COL27A1: variants seen among roughly 807,000 people sequenced by gnomAD.
The protein encoded by COL27A1 is collagen type XXVII alpha 1 chain.
Under a neutral mutation model 251.3 loss-of-function variants are expected in COL27A1, and 106 were observed. The ratio of observed to expected loss-of-function variants is 0.42; its 90% CI spans 0.36 to 0.50. COL27A1 has a LOEUF of 0.50. Among genes scored for constraint, COL27A1 ranks in the 20% least tolerant of loss-of-function variants. The pLI, the probability that COL27A1 is intolerant of heterozygous loss-of-function variation, is 0.00. For missense variants in COL27A1, 2,325 were observed against 2,522.8 expected (o/e 0.92, Z 1.68); for synonymous variants, 1,000 against 986.3 (o/e 1.01, Z -0.26).
chr9:114,297,954 A>G (rs781450909), intron 49 of COL27A1, among the ~76,000 whole-genome samples: 2 of 152,184 alleles, frequency 1.3e-5, no homozygotes, highest in Non-Finnish European at 2.9e-5. Context: ...TTAATAAGAC[A>G]TTTCCATTTA....
intron 14 of COL27A1, among the ~76,000 whole-genome samples, chr9:114,230,566 A>G (rs1296039939): frequency 6.6e-6 from 1 of 152,144 alleles, no homozygotes; most frequent in African/African-American, 2.4e-5. Context: ...AGGGTCCACC[A>G]TCAACCCTGG....
At position 114,248,817 on chromosome 9, in the gene COL27A1, A is replaced by G. The variant is rs949576073; in HGVS notation, c.2980-1798A>G. Among the ~76,000 whole-genome samples the G allele has an allele frequency of 4.6e-5, 7 of 152,198 alleles. No homozygotes were observed. In the East Asian group the frequency reaches 7.7e-4, roughly 17 times the overall value. ...AACATCTCATAAATTTAAAGTAGCT[A>G]TGAAATTTCTGTTTCTCTGGGCCAG... On this transcript the variant is annotated intron_variant, in intron 24 of 60. Transcript: ENST00000356083.
Position 114,205,086 on chromosome 9 carries a change from C to T in COL27A1, c.2125-16C>T, listed in dbSNP as rs780270057. ...GTGTCCTCCCTGCCTGATGCAGCTT[C>T]TTCCCCCTCCAACAGGGACACAAGG... On this transcript the variant is annotated splice_polypyrimidine_tract_variant and intron_variant, in intron 7 of 60. Coordinates refer to ENST00000356083, the MANE Select transcript of COL27A1 (RefSeq NM_032888.4). The T allele has an allele frequency of 1.9e-6, 3 of 1,613,400 alleles. No individual in the cohort carries two copies. Among genetic ancestry groups the T allele is most frequent in the African/African-American group, 2.7e-5 (2 of 74,946 alleles).
intron 1 of COL27A1, 150 bp downstream of exon 1, chr9:114,156,162 A>G (rs1286173176): frequency 8.3e-7 from 1 of 1,202,778 alleles, no homozygotes; most frequent in African/African-American, 1.6e-5. Context: ...GCCAAGGGTT[A>G]ATAGGGGCTG....
intron 22 of COL27A1, among the ~76,000 whole-genome samples, chr9:114,242,843 A>T (rs1832852112): frequency 6.6e-6 from 1 of 152,244 alleles, no homozygotes; most frequent in African/African-American, 2.4e-5. Context: ...TCCTGTTGAT[A>T]AAAATTATAT....
Position 114,235,773 on chromosome 9 carries a change from G to A in COL27A1, c.2619+121G>A, listed in dbSNP as rs73656023. 2,265 of 759,240 alleles carry A rather than the reference G, an allele frequency of 3.0e-3. 35 individuals are homozygous for A. The African/African-American group carries it at 0.034, about 11-fold the overall frequency. The allele number at this position is 759,240 out of a possible 1,614,324, so 47.0% of individuals were successfully genotyped here. ...ACCCACCTGTAAGACGGCTGCCCTC[G>A]AAATAATCCAGTCTTCTCCATCCTT... On this transcript the variant is annotated intron_variant, in intron 17 of 60. Coordinates refer to ENST00000356083, the MANE Select transcript of COL27A1 (RefSeq NM_032888.4).
intron 2 of COL27A1, 59 bp from the exon 3 acceptor site, chr9:114,167,630 G>A: frequency 6.9e-7 from 1 of 1,445,002 alleles, no homozygotes; most frequent in Non-Finnish European, 9.5e-7. Flanking sequence ...GGGGGTAGGG[G>A]GTGGGGTGGG....
Position 114,167,772 on chromosome 9 carries a change from G to A in COL27A1, c.217G>A (p.Gly73Ser). The A allele has an allele frequency of 1.9e-6, 3 of 1,613,786 alleles. No individual in the cohort carries two copies. In the South Asian group the frequency reaches 3.3e-5, roughly 18 times the overall value. ...CCCGGGAGTCATTCCTTTCCAGTCG[G>A]GCTTCATCTTTACGCAGCGGGCCCG... The part of the protein sequence containing the change: ...APPGVIPFQS[G>S]FIFTQRARLQ... The change falls in exon 3 of 61, where the codon GGC (glycine) becomes AGC (serine). Residue 73 changes from glycine (G) to serine (S), a missense_variant. By Grantham distance (56) the Gly-to-Ser change is moderately conservative. This residue lies in a region of COL27A1 where 1,183 missense variants were observed against 1,144.1 expected (regional missense o/e 1.03). Transcript: ENST00000356083.
At chr9:114,232,453 G>A (rs1039178647) in intron 16 of COL27A1, among the ~76,000 whole-genome samples, 1 of 152,224 alleles carries the variant, frequency 6.6e-6, no homozygotes, top group African/African-American at 2.4e-5. Flanking sequence ...GAGCAAAGCA[G>A]CATCTGAATA....
At chr9:114,273,565 A>G (rs58707438) in intron 36 of COL27A1, 24,849 of 152,366 alleles carry the variant, frequency 0.16, 2,235 homozygotes, top group African/African-American at 0.19. Flanking sequence ...CCTCTCTTCT[A>G]GGCAGGGCCA....
chr9:114,170,124 CCTGA>C (rs1453242851), intron 3 of COL27A1, among the ~76,000 whole-genome samples: 1 of 152,240 alleles, frequency 6.6e-6, no homozygotes, highest in African/African-American at 2.4e-5. Flanking sequence ...CCCCACTTCT[CCTGA>C]CTGAGTCTTC....
chr9:114,216,865 C>T (rs537843727), intron 12 of COL27A1, among the ~76,000 whole-genome samples: 3 of 152,198 alleles, frequency 2.0e-5, no homozygotes, highest in East Asian at 3.9e-4. Flanking sequence ...CCTTTTTGCA[C>T]ATTAGCTCAG....
intron 3 of COL27A1, among the ~76,000 whole-genome samples, chr9:114,176,280 C>T (rs1223751070): frequency 6.6e-6 from 1 of 152,182 alleles, no homozygotes; most frequent in African/African-American, 2.4e-5. Flanking sequence ...TAAGAAGGGA[C>T]ATCTTTTGCT....
At position 114,300,114 on chromosome 9, in the gene COL27A1, C is replaced by T. The variant is rs764545546; in HGVS notation, c.4629C>T (p.Phe1543=). 32 of 1,614,010 alleles carry T rather than the reference C, an allele frequency of 2.0e-5. No homozygotes were observed. The highest frequency in any genetic ancestry group is 5.3e-5 in the African/African-American group (4 of 74,936). Residue 1543 remains phenylalanine (F), a synonymous_variant, in exon 50 of 61, where the codon TTC becomes TTT. Transcript: ENST00000356083. The part of the protein sequence containing the change: ...EMGFPGMAGL[F]GPKGPPGDIG... The stretch of plus-strand genomic sequence containing the variant: ...GCTTCCCAGGAATGGCAGGTCTCTT[C>T]GGACCCAAGGTATGGACTCCCACGG...
Position 114,165,950 on chromosome 9 carries a change from T to TATCCATCC in COL27A1, c.134-1722_134-1715dup, listed in dbSNP as rs369072305. 1.3e-3 allele frequency among the ~76,000 whole-genome samples: 181 copies of TATCCATCC among 142,616 alleles called. 1 individual carries two copies. The highest frequency in any genetic ancestry group is 4.6e-3 in the African/African-American group (177 of 38,256). 93.6% of individuals were successfully genotyped at this position (142,616 alleles called of 152,430 possible). A position where few individuals can be genotyped will look rare whatever the true frequency, so the allele number is the denominator to read the frequency against. On this transcript the variant is annotated intron_variant, in intron 2 of 60. Coordinates refer to ENST00000356083, the MANE Select transcript of COL27A1 (RefSeq NM_032888.4). ...GCCAGCCAGCCATCATCCATCCATCTATCCATCCATCCATCCATCCATCCC... is the reference window on the plus strand; with the variant it reads ...GCCAGCCAGCCATCATCCATCCATCTATCCATCCATCCATCCATCCATCCATCCATCCC...
chr9:114,243,344 G>T lies in COL27A1; in HGVS notation c.2881-163G>T, dbSNP rs7850171. Among the ~76,000 whole-genome samples the T allele has an allele frequency of 0.5, 76,198 of 152,102 alleles. 19,872 individuals carry two copies. Among genetic ancestry groups the T allele is most frequent in the Non-Finnish European group, 0.57 (38,574 of 67,970 alleles). On this transcript the variant is annotated intron_variant, in intron 22 of 60. Coordinates refer to ENST00000356083, the MANE Select transcript of COL27A1 (RefSeq NM_032888.4). ...AGCTGGAAACCCTGCCTGTATTCCA[G>T]GACAGCTGGCCACCTGGTGGACTCA...
chr9:114,194,390 T>G lies in COL27A1; in HGVS notation c.2017-14T>G. 7 of 1,613,252 alleles carry G rather than the reference T, an allele frequency of 4.3e-6. No homozygotes were observed. Among genetic ancestry groups the G allele is most frequent in the Non-Finnish European group, 5.9e-6 (7 of 1,179,628 alleles). On this transcript the variant is annotated splice_polypyrimidine_tract_variant and intron_variant, in intron 5 of 60. Transcript: ENST00000356083. ...GATGACTTGGTGGCCAAAGTGGAAT[T>G]GTTTTTGTTTCAGGGACAGAAAGGG...
At chr9:114,225,804 C>T (rs904914984) in intron 14 of COL27A1, among the ~76,000 whole-genome samples, 2 of 152,238 alleles carry the variant, frequency 1.3e-5, no homozygotes, top group Non-Finnish European at 2.9e-5. Context: ...TTCCTTCCGT[C>T]CCCCGGGTCC....
At chr9:114,301,850 G>C (rs1828667284) in intron 55 of COL27A1, 133 bp downstream of exon 55, 1 of 952,482 alleles carries the variant, frequency 1.0e-6, no homozygotes, top group African/African-American at 1.6e-5. Flanking sequence ...ACTCCTAGGA[G>C]AGTATAGGGC....
Sources: allele counts gnomAD v4.1 joint callset (sites outside exome capture counted in the v4.1 genomes callset), GRCh38; gene constraint gnomAD v4.1.1; regional missense constraint gnomAD v4.1.1; transcripts MANE v1.5; gene names NCBI Gene and HGNC (gene_info 2026-07-23, HGNC 2026-07-21).